Variants in SNX30 observed in about 807,000 individuals in gnomAD.
SNX30 encodes the protein sorting nexin family member 30, also known as sorting nexin-30.
In SNX30, 24 loss-of-function variants were observed where a neutral mutation model predicts 46.4. That is an observed-to-expected ratio of 0.52 (90% CI 0.37 to 0.73). The LOEUF is 0.73. SNX30 is among the 30% of genes least tolerant of loss of function. The probability of loss-of-function intolerance (pLI) is 0.00; values close to 1 mark genes in which losing one functional copy is unlikely to be tolerated. For synonymous variants in SNX30, 189 were observed against 211.5 expected (o/e 0.89, Z 0.92); for missense variants, 533 against 555.7 (o/e 0.96, Z 0.41).
At chr9:112,813,794 A>G (rs912177757) in intron 2 of SNX30, among the ~76,000 whole-genome samples, 11 of 152,192 alleles carry the variant, frequency 7.2e-5, no homozygotes, top group Non-Finnish European at 1.5e-5. Context: ...TTTAAAAAAA[A>G]AAAAAAAGTC....
At chr9:112,885,044 G>T (rs539006748), downstream of SNX30, 3 of 152,304 alleles carry the variant, frequency 2.0e-5, no homozygotes, top group East Asian at 5.8e-4. Context: ...CGGACAGTTC[G>T]AAGACAGAGC....
At chr9:112,825,305 G>A (rs1840564590) in intron 3 of SNX30, among the ~76,000 whole-genome samples, 1 of 151,988 alleles carries the variant, frequency 6.6e-6, no homozygotes, top group African/African-American at 2.4e-5. Context: ...CAAATGACTT[G>A]TTTTTTTGAG....
intron 3 of SNX30, among the ~76,000 whole-genome samples, chr9:112,830,093 G>T (rs141532752): frequency 6.6e-5 from 10 of 152,268 alleles, no homozygotes; most frequent in South Asian, 2.1e-4. Context: ...CCCTTGGTAG[G>T]CAGGTAGTTT....
At chr9:112,855,257 G>A (rs1488208247) in intron 7 of SNX30, among the ~76,000 whole-genome samples, 1 of 152,138 alleles carries the variant, frequency 6.6e-6, no homozygotes, top group Non-Finnish European at 1.5e-5. Flanking sequence ...AAGTGGGTTA[G>A]GGCTGATTCT....
intron 1 of SNX30, among the ~76,000 whole-genome samples, chr9:112,764,423 C>T (rs1466781639): frequency 6.6e-6 from 1 of 152,028 alleles, no homozygotes; most frequent in African/African-American, 2.4e-5. Context: ...CTCTTTTGGC[C>T]AGGGTGGAGG....
intron 3 of SNX30, among the ~76,000 whole-genome samples, chr9:112,823,055 A>G (rs1242684606): frequency 1.3e-5 from 2 of 152,220 alleles, no homozygotes; most frequent in Middle Eastern, 3.2e-3. Context: ...AAATTTTACT[A>G]TAGGTATGTA....
rs1038834281 is a variant in SNX30 at position 112,769,695 on chromosome 9, T to C, written c.156+18538T>C. Among the ~76,000 whole-genome samples, 8 of 152,266 alleles carry C rather than the reference T, an allele frequency of 5.3e-5. No individual in the cohort carries two copies. In the South Asian group the frequency reaches 1.7e-3, roughly 32 times the overall value. ...TAGGACTCCATTCTGATATGGCCTCTCTTCATCTGCATGGTGTCCCTAAGC... is the reference window on the plus strand; with the variant it reads ...TAGGACTCCATTCTGATATGGCCTCCCTTCATCTGCATGGTGTCCCTAAGC... On this transcript the variant is annotated intron_variant, in intron 1 of 8. Transcript: ENST00000374232.
downstream of SNX30, among the ~76,000 whole-genome samples, chr9:112,882,880 G>A (rs1406806414): frequency 6.6e-6 from 1 of 152,150 alleles, no homozygotes; most frequent in South Asian, 2.1e-4. Flanking sequence ...TGAGAAGACA[G>A]CCCAGAATAG....
At chr9:112,826,336 G>T (rs1253684408) in intron 3 of SNX30, among the ~76,000 whole-genome samples, 1 of 152,126 alleles carries the variant, frequency 6.6e-6, no homozygotes, top group Non-Finnish European at 1.5e-5. Context: ...CAGAAGGCTG[G>T]GGGTTGAGAA....
At chr9:112,868,701 A>T (rs539289557) in intron 8 of SNX30, 83 bp from the exon 9 acceptor site, 14 of 1,450,428 alleles carry the variant, frequency 9.7e-6, no homozygotes, top group South Asian at 8.0e-5. Flanking sequence ...ATCGACAACG[A>T]AAGGGTAGGT....
At chr9:112,817,299 T>A (rs1330643425) in intron 2 of SNX30, among the ~76,000 whole-genome samples, 4 of 151,592 alleles carry the variant, frequency 2.6e-5, no homozygotes, top group Non-Finnish European at 2.9e-5. Flanking sequence ...TAAAAGAAAT[T>A]GTTAGAGTTA....
chr9:112,808,541 T>TA (rs1179373238), intron 2 of SNX30, among the ~76,000 whole-genome samples: 6 of 152,224 alleles, frequency 3.9e-5, no homozygotes, highest in Non-Finnish European at 7.3e-5. Flanking sequence ...ATTGGACACT[T>TA]ACCATGCACT....
At chr9:112,883,620 AG>A (rs1274166817), downstream of SNX30, among the ~76,000 whole-genome samples, 2 of 152,048 alleles carry the variant, frequency 1.3e-5, no homozygotes, top group Non-Finnish European at 2.9e-5. Flanking sequence ...AAATGAACAT[AG>A]GGCTGTGGAC....
chr9:112,791,626 G>A (rs1840025541), intron 1 of SNX30, among the ~76,000 whole-genome samples: 1 of 151,800 alleles, frequency 6.6e-6, no homozygotes, highest in African/African-American at 2.4e-5. Flanking sequence ...TGGCCAGGCT[G>A]GTTTCAATCT....
At chr9:112,794,548 C>G (rs771792450) in intron 1 of SNX30, among the ~76,000 whole-genome samples, 3 of 152,104 alleles carry the variant, frequency 2.0e-5, no homozygotes, top group African/African-American at 4.8e-5. Context: ...ATCATTTTAC[C>G]CTTAACGTAA....
chr9:112,825,256 T>C (rs1840564076), intron 3 of SNX30, among the ~76,000 whole-genome samples: 1 of 152,200 alleles, frequency 6.6e-6, no homozygotes, highest in South Asian at 2.1e-4. Context: ...ATTTGCTATT[T>C]TACTTTAAAA....
At chr9:112,864,488 A>AGTCTCATCTCCTTCCCTTATT (rs1268034028) in intron 8 of SNX30, 89 bp downstream of exon 8, 66 of 1,510,988 alleles carry the variant, frequency 4.4e-5, no homozygotes, top group Non-Finnish European at 5.6e-5. Context: ...GAATCCTGCT[A>AGTCTCATCTCCTTCCCTTATT]GTCTCATCTC....
rs375010038 is a variant in SNX30 at position 112,838,610 on chromosome 9, T to A, written c.927T>A (p.Ser309=). 6.2e-7 allele frequency: 1 copy of A among 1,614,108 alleles called. No homozygotes were observed. Among genetic ancestry groups the A allele is most frequent in the African/African-American group, 1.3e-5 (1 of 74,928 alleles). Residue 309 remains serine, a synonymous_variant, in exon 6 of 9, where the codon TCT becomes TCA. Transcript: ENST00000374232. ...TGTCAGCTTGCATTGGGAACTGCTC[T>A]ACAGCCTTAGAAGAGCTGACAGATG... The part of the protein sequence containing the change: ...EGVSACIGNC[S]TALEELTDDM...
rs1171661074 is a variant in SNX30, at chr9:112,836,270, A to G, written c.675A>G (p.Ser225=). 6.2e-7 allele frequency: 1 copy of G among 1,612,058 alleles called. No homozygotes were observed. Among genetic ancestry groups the G allele is most frequent in the Non-Finnish European group, 8.5e-7 (1 of 1,178,310 alleles). ...CATTGCTGACCAGAATGGGCGAGTC[A>G]GTCAAGCACGTCACTGGCGGCTACA... ...GIALLTRMGE[S]VKHVTGGYKL... is the part of the protein sequence containing the mutation. Residue 225 remains serine (S), a synonymous_variant, in exon 5 of 9, where the codon TCA becomes TCG. Coordinates refer to ENST00000374232, the MANE Select transcript of SNX30 (RefSeq NM_001012994.2).
Sources: allele counts gnomAD v4.1 joint callset (sites outside exome capture counted in the v4.1 genomes callset), GRCh38; gene constraint gnomAD v4.1.1; transcripts MANE v1.5; gene names NCBI Gene and HGNC (gene_info 2026-07-23, HGNC 2026-07-21).